GLB1: variants seen among roughly 807,000 people sequenced by gnomAD.
GLB1 encodes beta-galactosidase.
Under a neutral mutation model 74.0 loss-of-function variants are expected in GLB1, and 56 were observed. The observed-to-expected ratio is 0.76, with a 90% CI of 0.61 to 0.94. The LOEUF (loss-of-function observed/expected upper bound fraction) is 0.94. Among genes scored for constraint, GLB1 ranks in the 40% least tolerant of loss-of-function variants. The probability of loss-of-function intolerance (pLI) is 0.00; values close to 1 mark genes in which losing one functional copy is unlikely to be tolerated. For missense variants in GLB1, 787 were observed against 845.5 expected, an observed-to-expected ratio of 0.93 and a Z score of 0.86; for synonymous variants, 323 against 323.6, an observed-to-expected ratio of 1.00 and a Z score of 0.02.
At chr3:32,972,002 C>T in the GLB1 span, among the ~76,000 whole-genome samples, 2 of 152,122 alleles carry the variant, frequency 1.3e-5, no homozygotes, top group Non-Finnish European at 2.9e-5. Context: ...AAAAATAAAA[C>T]TAGAAGAAGC....
chr3:33,051,235 A>G (rs112127783), intron 9 of GLB1, among the ~76,000 whole-genome samples: 48,722 of 114,592 alleles, frequency 0.43, 8,423 homozygotes, highest in Middle Eastern at 0.55. Flanking sequence ...CTGCGTCTCA[A>G]AAAAAAAAAA....
intron 10 of GLB1, among the ~76,000 whole-genome samples, chr3:33,029,224 T>A (rs1390401820): frequency 6.6e-6 from 1 of 152,208 alleles, no homozygotes; most frequent in Non-Finnish European, 1.5e-5. Context: ...TATTTTTCCA[T>A]AATAATTTGT....
intron 15 of GLB1, among the ~76,000 whole-genome samples, chr3:33,011,145 A>T (rs1697005602): frequency 6.6e-6 from 1 of 152,178 alleles, no homozygotes; most frequent in African/African-American, 2.4e-5. Context: ...GGCATGAGCC[A>T]CCACACCCAG....
intron 1 of GLB1, among the ~76,000 whole-genome samples, chr3:33,088,299 A>G (rs1267389798): frequency 2.0e-5 from 3 of 152,010 alleles, no homozygotes; most frequent in Non-Finnish European, 4.4e-5. Context: ...AGGCATTCAA[A>G]TTAGAAAGGA....
the GLB1 span, among the ~76,000 whole-genome samples, chr3:32,981,399 C>CAAAAA: frequency 6.7e-4 from 61 of 90,402 alleles, no homozygotes; most frequent in Middle Eastern, 7.9e-3. Flanking sequence ...GACTCCATCT[C>CAAAAA]AAAAAAAAAA....
At position 33,093,733 on chromosome 3, in the gene GLB1, T is replaced by G. The variant is rs1352763822; in HGVS notation, c.75+3278A>C. The G allele has an allele frequency of 6.2e-7, 1 of 1,613,862 alleles. No individual in the cohort carries two copies. The highest frequency in any genetic ancestry group is 8.5e-7 in the Non-Finnish European group (1 of 1,179,946). ...ACGAGCTTCCTTGTCTTCTCAAGGCTGCCCACGACCCTACCACTGCGCCAG... is the reference window on the plus strand; with the variant it reads ...ACGAGCTTCCTTGTCTTCTCAAGGCGGCCCACGACCCTACCACTGCGCCAG... On this transcript the variant is annotated intron_variant, in intron 1 of 15. Coordinates refer to ENST00000307363, the MANE Select transcript of GLB1 (RefSeq NM_000404.4). The surrounding 1 kb of genome is among the most constrained non-coding windows in gnomAD (Gnocchi z 6.0).
chr3:32,988,674 G>C, the GLB1 span, among the ~76,000 whole-genome samples: 1 of 152,116 alleles, frequency 6.6e-6, no homozygotes, highest in Non-Finnish European at 1.5e-5. Flanking sequence ...TACCAGGTTG[G>C]CTTTTGTAGA....
chr3:33,045,836 T>G, intron 10 of GLB1: 1 of 1,058,900 alleles, frequency 9.4e-7, no homozygotes, highest in Non-Finnish European at 1.2e-6. Context: ...GGGTGAATTC[T>G]CACCATATAA....
intron 1 of GLB1, among the ~76,000 whole-genome samples, chr3:33,078,661 T>A (rs181538476): frequency 6.6e-6 from 1 of 152,154 alleles, no homozygotes; most frequent in East Asian, 1.9e-4. Context: ...TATTTGGAAA[T>A]GAAAGAACTT....
At chr3:32,993,483 G>A (rs1395697723), downstream of GLB1, among the ~76,000 whole-genome samples, 2 of 146,328 alleles carry the variant, frequency 1.4e-5, no homozygotes, top group African/African-American at 2.5e-5. Context: ...AGCCTCTTGA[G>A]TAGCTAGGAC....
intron 1 of GLB1, among the ~76,000 whole-genome samples, chr3:33,076,278 G>C (rs1407774195): frequency 1.3e-5 from 2 of 152,184 alleles, no homozygotes; most frequent in South Asian, 4.1e-4. Context: ...GGGAGGGCAG[G>C]ACTACAGGCC....
chr3:32,975,221 A>G, the GLB1 span, among the ~76,000 whole-genome samples: 1 of 152,090 alleles, frequency 6.6e-6, no homozygotes, highest in Non-Finnish European at 1.5e-5. Context: ...AGCTGAGACT[A>G]CAGGCATACA....
At chr3:32,984,251 C>T in the GLB1 span, among the ~76,000 whole-genome samples, 1 of 151,978 alleles carries the variant, frequency 6.6e-6, no homozygotes, top group Non-Finnish European at 1.5e-5. Context: ...GTACTTGTCC[C>T]TACACCCCCC....
At chr3:33,034,556 C>A (rs930191393) in intron 10 of GLB1, 1 of 723,820 alleles carries the variant, frequency 1.4e-6, no homozygotes, top group Middle Eastern at 2.6e-4. Flanking sequence ...CTGGGATGGT[C>A]GTGTGTTCAT....
chr3:33,030,883 C>G (rs1339067338), intron 10 of GLB1: 1 of 914,228 alleles, frequency 1.1e-6, no homozygotes, highest in African/African-American at 1.8e-5. Flanking sequence ...AATAAACTCA[C>G]CACTGCCCCT....
At chr3:33,038,304 C>T (rs1269908885) in intron 10 of GLB1, among the ~76,000 whole-genome samples, 2 of 152,124 alleles carry the variant, frequency 1.3e-5, no homozygotes, top group Non-Finnish European at 2.9e-5. Context: ...ATCGACAGAT[C>T]TCAGAAAAAT....
the GLB1 span, among the ~76,000 whole-genome samples, chr3:32,962,831 T>C: frequency 1.3e-5 from 2 of 151,946 alleles, no homozygotes; most frequent in Non-Finnish European, 2.9e-5. Context: ...AAAGGCCTTA[T>C]ACAAGCAAGC....
At chr3:32,967,083 C>CT in the GLB1 span, among the ~76,000 whole-genome samples, 2 of 152,198 alleles carry the variant, frequency 1.3e-5, no homozygotes, top group African/African-American at 4.8e-5. Flanking sequence ...ACTAGGATGT[C>CT]TGCTCTTCCA....
chr3:32,983,804 G>T, the GLB1 span, among the ~76,000 whole-genome samples: 4 of 151,434 alleles, frequency 2.6e-5, no homozygotes, highest in Non-Finnish European at 4.4e-5. Flanking sequence ...TCAGCCCCCT[G>T]AGTAGCTGGG....
Sources: gnomAD v4.1 joint callset for allele counts (sites outside exome capture counted in the v4.1 genomes callset) on GRCh38, gnomAD v4.1.1 for gene constraint, Gnocchi (gnomAD v3.1) non-coding constraint, MANE v1.5 for transcripts, NCBI Gene and HGNC (gene_info 2026-07-23, HGNC 2026-07-21) for gene names.